The following SMG1 variants were observed in gnomAD, a reference collection of about 807,000 sequenced individuals.
The protein encoded by SMG1 is serine/threonine-protein kinase SMG1.
Under a neutral mutation model 419.9 loss-of-function variants are expected in SMG1, and 22 were observed. The observed-to-expected ratio is 0.05, with a 90% CI of 0.04 to 0.07. SMG1 has a LOEUF of 0.07. Among genes scored for constraint, SMG1 ranks in the 10% least tolerant of loss-of-function variants. The pLI, the probability that SMG1 is intolerant of heterozygous loss-of-function variation, is 1.00. For missense variants in SMG1, 3,185 were observed against 4,342.0 expected (o/e 0.73, Z 7.49); for synonymous variants, 1,538 against 1,553.5 (o/e 0.99, Z 0.23).
intron 46 of SMG1, 131 bp downstream of exon 46, chr16:18,837,122 T>G (rs1387383883): frequency 2.5e-6 from 2 of 810,460 alleles, no homozygotes; most frequent in Admixed American, 3.0e-5. Context: ...ACTTTGAAGT[T>G]GCAGTCACTG....
intron 36 of SMG1, among the ~76,000 whole-genome samples, chr16:18,848,932 G>A (rs1270607976): frequency 3.3e-5 from 5 of 151,618 alleles, no homozygotes; most frequent in East Asian, 3.9e-4. Flanking sequence ...TTAGCTGGGC[G>A]TGGTGGCACG....
rs758062966 is a variant in SMG1, at chr16:18,815,161, G to A, written c.10621+14C>T. Reference sequence around the variant, plus strand: ...ACATTAACAACAGATCAAGACTCAGGACTCTTCTCCTACCTGCAGCGAAGG... The same window carrying A: ...ACATTAACAACAGATCAAGACTCAGAACTCTTCTCCTACCTGCAGCGAAGG... On this transcript the variant is annotated intron_variant, in intron 60 of 62. Coordinates refer to ENST00000446231, the MANE Select transcript of SMG1 (RefSeq NM_015092.5). 2 of 1,520,412 alleles carry A rather than the reference G, an allele frequency of 1.3e-6. No homozygotes were observed. The highest frequency in any genetic ancestry group is 4.7e-5 in the East Asian group (2 of 42,474). The allele number at this position is 1,520,412 out of a possible 1,614,324, so 94.2% of individuals were successfully genotyped here.
chr16:18,854,586 CA>C, intron 30 of SMG1, 69 bp downstream of exon 30: 1 of 1,400,720 alleles, frequency 7.1e-7, no homozygotes, highest in Non-Finnish European at 9.7e-7. Flanking sequence ...TTATACCATA[CA>C]TACACAGTAA....
rs536134713 is a variant in SMG1 at position 18,805,176 on chromosome 16, T to A, written c.*4393A>T. 9.8e-5 allele frequency: 15 copies of A among 152,376 alleles called. No homozygotes were observed. Among genetic ancestry groups the A allele is most frequent in the South Asian group, 6.2e-4 (3 of 4,828 alleles). 9.4% of individuals were successfully genotyped at this position (152,376 alleles called of 1,614,324 possible). A position where few individuals can be genotyped will look rare whatever the true frequency, so the allele number is the denominator to read the frequency against. On this transcript the variant is annotated 3_prime_UTR_variant, in exon 63 of 63. Transcript: ENST00000446231. The stretch of plus-strand genomic sequence containing the variant: ...ATTAACAAGTAAGTGAAGTATGATG[T>A]TGTTGCCACTGACATTACAGGTGGA...
At chr16:18,886,689 C>G (rs1280085302) in intron 6 of SMG1, among the ~76,000 whole-genome samples, 2 of 152,116 alleles carry the variant, frequency 1.3e-5, no homozygotes, top group African/African-American at 2.4e-5. Context: ...GTAATCCCAG[C>G]TACTCAGGAG....
chr16:18,815,333 C>T, intron 59 of SMG1, 52 bp from the exon 60 acceptor site: 1 of 1,532,204 alleles, frequency 6.5e-7, no homozygotes, highest in Non-Finnish European at 8.9e-7. Flanking sequence ...CCTGATACTA[C>T]TTATAAAAAT....
At chr16:18,906,533 T>C (rs1165935597) in intron 1 of SMG1, among the ~76,000 whole-genome samples, 1 of 152,168 alleles carries the variant, frequency 6.6e-6, no homozygotes, top group Non-Finnish European at 1.5e-5. Flanking sequence ...CACCTGATTC[T>C]AGACCTTACT....
chr16:18,908,583 T>C (rs2037668642), intron 1 of SMG1, among the ~76,000 whole-genome samples: 1 of 149,796 alleles, frequency 6.7e-6, no homozygotes, highest in Non-Finnish European at 1.5e-5. Flanking sequence ...TGTTTACCAA[T>C]ATAAGAAATG....
chr16:18,831,754 C>CAA (rs34963434), intron 51 of SMG1, among the ~76,000 whole-genome samples: 9 of 90,274 alleles, frequency 1.0e-4, no homozygotes, highest in Non-Finnish European at 1.7e-4. Context: ...GACTCCATCT[C>CAA]AAAAAAAAAA....
chr16:18,877,496 G>C, intron 11 of SMG1: 1 of 322,220 alleles, frequency 3.1e-6, no homozygotes, highest in South Asian at 3.8e-5. Flanking sequence ...TTTTAGGGAA[G>C]TGAAACTATC....
chr16:18,864,085 C>A lies in SMG1; in HGVS notation c.3410G>T (p.Cys1137Phe). The change falls in exon 24 of 63, where the codon TGC (cysteine) becomes TTC (phenylalanine). Residue 1137 changes from cysteine to phenylalanine, a missense_variant. Around this residue, in one of 27 missense-constraint regions of SMG1, gnomAD observed 121 missense variants for 125.4 expected, o/e 0.96. Coordinates refer to ENST00000446231, the MANE Select transcript of SMG1 (RefSeq NM_015092.5). Reference protein sequence around the residue: ...EHLCAMTGVDCCISSFDKSVL... With the variant: ...EHLCAMTGVDFCISSFDKSVL... ...CGATTTGTCAAAGCTGGAGATGCAGCAATCAACACCTGTCATGGCACACAG... is the reference window on the plus strand; with the variant it reads ...CGATTTGTCAAAGCTGGAGATGCAGAAATCAACACCTGTCATGGCACACAG... 1 of 1,549,356 alleles carries A rather than the reference C, an allele frequency of 6.5e-7. No homozygotes were observed. Among genetic ancestry groups the A allele is most frequent in the South Asian group, 1.2e-5 (1 of 83,952 alleles).
chr16:18,869,451 C>T, intron 19 of SMG1, 148 bp from the exon 20 acceptor site: 2 of 684,166 alleles, frequency 2.9e-6, no homozygotes, highest in East Asian at 5.4e-5. Flanking sequence ...CATTGTGTCC[C>T]CCCTCTCATT....
intron 1 of SMG1, among the ~76,000 whole-genome samples, chr16:18,922,520 C>T (rs2142035954): frequency 6.6e-6 from 1 of 152,310 alleles, no homozygotes; most frequent in Middle Eastern, 3.4e-3. Flanking sequence ...GGCTGGAGTG[C>T]AGTGGTGTGA....
Position 18,845,413 on chromosome 16 carries a change from T to G in SMG1, c.6219+16A>C. ...TGATGTGCCATTTCAGTAGCATGCT[T>G]GGGATTATTCTGTACCTCTTTAAAT... On this transcript the variant is annotated intron_variant, in intron 39 of 62. Transcript: ENST00000446231. The G allele has an allele frequency of 3.1e-6, 5 of 1,603,360 alleles. No individual in the cohort carries two copies. The South Asian group carries it at 5.5e-5, about 18-fold the overall frequency.
chr16:18,876,292 A>G lies in SMG1; in HGVS notation c.1722T>C (p.Cys574=). ...AYKLILGEMT[C]ALNNLLHSLQ... is the part of the protein sequence containing the mutation. ...GACTGTGTAGGAGGTTGTTTAGGGCACAAGTCATTTCTCCCAATATTAACT... is the reference window on the plus strand; with the variant it reads ...GACTGTGTAGGAGGTTGTTTAGGGCGCAAGTCATTTCTCCCAATATTAACT... The change falls in exon 13 of 63, where the codon TGT becomes TGC. Residue 574 remains cysteine, a synonymous_variant. Coordinates refer to ENST00000446231, the MANE Select transcript of SMG1 (RefSeq NM_015092.5). The G allele has an allele frequency of 6.2e-7, 1 of 1,611,802 alleles. No homozygotes were observed. The highest frequency in any genetic ancestry group is 1.1e-5 in the South Asian group (1 of 90,990).
intron 1 of SMG1, among the ~76,000 whole-genome samples, chr16:18,910,814 C>A (rs751717990): frequency 6.6e-6 from 1 of 152,092 alleles, no homozygotes; most frequent in African/African-American, 2.4e-5. Flanking sequence ...GGCATCCTCC[C>A]TCCTCCCATT....
rs754717207 is a variant in SMG1, at chr16:18,839,728, T to C, written c.6915A>G (p.Thr2305=). 1.5e-5 allele frequency: 25 copies of C among 1,613,910 alleles called. No homozygotes were observed. The highest frequency in any genetic ancestry group is 8.5e-7 in the Non-Finnish European group (1 of 1,179,914). Residue 2305 remains threonine, a synonymous_variant, in exon 42 of 63, where the codon ACA becomes ACG. Transcript: ENST00000446231. The part of the protein sequence containing the change: ...LLAKELWSSC[T]TPDEWWRVTQ... Reference sequence around the variant, plus strand: ...TAACTCTCCACCATTCATCAGGTGTTGTGCAAGATGACCAGAGCTCTTTGG... The same window carrying C: ...TAACTCTCCACCATTCATCAGGTGTCGTGCAAGATGACCAGAGCTCTTTGG...
At chr16:18,826,766 T>C (rs928170477) in intron 55 of SMG1, among the ~76,000 whole-genome samples, 1 of 23,862 alleles carries the variant, frequency 4.2e-5, no homozygotes, top group African/African-American at 1.4e-4. Flanking sequence ...GCAGGCCTCC[T>C]TGAGCTGTGG....
At chr16:18,820,316 C>T (rs1226274468) in intron 55 of SMG1, among the ~76,000 whole-genome samples, 1 of 152,008 alleles carries the variant, frequency 6.6e-6, no homozygotes. Flanking sequence ...CATCCTCCCA[C>T]CTCAGCTTCC....
Sources: gnomAD v4.1 joint callset for allele counts (sites outside exome capture counted in the v4.1 genomes callset) on GRCh38, gnomAD v4.1.1 for gene constraint, gnomAD v4.1.1 regional missense constraint, MANE v1.5 for transcripts, NCBI Gene and HGNC (gene_info 2026-07-23, HGNC 2026-07-21) for gene names.